SLC24A2: variants seen among roughly 807,000 people sequenced by gnomAD.
The protein encoded by SLC24A2 is solute carrier family 24 member 2.
A neutral mutation model predicts 62.0 loss-of-function variants in SLC24A2; 36 were observed. The observed-to-expected ratio is 0.58, with a 90% CI of 0.44 to 0.77. The LOEUF (loss-of-function observed/expected upper bound fraction) is 0.77. Ranked by LOEUF, SLC24A2 falls within the 30% of genes least tolerant of loss-of-function variation. The pLI, the probability that SLC24A2 is intolerant of heterozygous loss-of-function variation, is 0.00. For synonymous variants in SLC24A2, 358 were observed against 294.0 expected (o/e 1.22, Z -2.23); for missense variants, 846 against 817.9 (o/e 1.03, Z -0.42).
rs567438612 is a variant in SLC24A2 at position 19,774,494 on chromosome 9, G to A, written c.930+11443C>T. The stretch of plus-strand genomic sequence containing the variant: ...TACACCAATATTCAATGTCTATTAC[G>A]GGCCTGAAATAAGTGGTTCAATATA... On this transcript the variant is annotated intron_variant, in intron 2 of 10. Transcript: ENST00000341998. 2.6e-5 allele frequency among the ~76,000 whole-genome samples: 4 copies of A among 152,226 alleles called. No homozygotes were observed. The South Asian group carries it at 6.2e-4, about 24-fold the overall frequency.
At chr9:20,191,072 G>A in the SLC24A2 span, among the ~76,000 whole-genome samples, 2 of 151,834 alleles carry the variant, frequency 1.3e-5, no homozygotes, top group East Asian at 3.9e-4. Flanking sequence ...TATTTCCCCT[G>A]CAGCAAAAAT....
At chr9:19,535,177 C>A (rs1452222854) in intron 8 of SLC24A2, among the ~76,000 whole-genome samples, 2 of 152,086 alleles carry the variant, frequency 1.3e-5, no homozygotes, top group African/African-American at 2.4e-5. Context: ...TGTGTCTGTT[C>A]ATATCCTTTG....
At chr9:19,959,328 A>T in the SLC24A2 span, among the ~76,000 whole-genome samples, 1 of 152,230 alleles carries the variant, frequency 6.6e-6, no homozygotes, top group Admixed American at 6.5e-5. Context: ...AATCAATCAG[A>T]TGCCAGATGG....
chr9:20,201,050 C>T, the SLC24A2 span, among the ~76,000 whole-genome samples: 3 of 152,198 alleles, frequency 2.0e-5, no homozygotes, highest in African/African-American at 7.2e-5. Flanking sequence ...TCTCCCAGTA[C>T]CCAAAGTCCA....
At chr9:19,919,722 G>A in the SLC24A2 span, among the ~76,000 whole-genome samples, 9 of 152,262 alleles carry the variant, frequency 5.9e-5, no homozygotes, top group South Asian at 1.9e-3. Context: ...TGGCAGAAGG[G>A]GAAGCAAATA....
intron 7 of SLC24A2, among the ~76,000 whole-genome samples, chr9:19,562,200 A>G (rs894905733): frequency 1.3e-5 from 2 of 152,198 alleles, no homozygotes; most frequent in Non-Finnish European, 2.9e-5. Flanking sequence ...TAAAATCCAT[A>G]AGTGATTTGC....
chr9:20,166,672 G>C, the SLC24A2 span, among the ~76,000 whole-genome samples: 6 of 151,870 alleles, frequency 4.0e-5, no homozygotes, highest in Non-Finnish European at 7.4e-5. Context: ...CTTACAAAAG[G>C]TATGAAAGAA....
At chr9:20,160,697 T>C in the SLC24A2 span, among the ~76,000 whole-genome samples, 7 of 151,314 alleles carry the variant, frequency 4.6e-5, no homozygotes, top group African/African-American at 1.7e-4. Flanking sequence ...AATTACAGAA[T>C]TTCCGAAAAA....
At chr9:20,075,476 G>A in the SLC24A2 span, among the ~76,000 whole-genome samples, 1 of 152,134 alleles carries the variant, frequency 6.6e-6, no homozygotes, top group Non-Finnish European at 1.5e-5. Context: ...CCTAACTTGT[G>A]GATGGCCAAT....
the SLC24A2 span, among the ~76,000 whole-genome samples, chr9:20,022,913 T>C: frequency 6.6e-6 from 1 of 152,210 alleles, no homozygotes; most frequent in Admixed American, 6.5e-5. Context: ...ACCACATTAA[T>C]GTATTTGACT....
At chr9:19,906,700 C>A in the SLC24A2 span, among the ~76,000 whole-genome samples, 1 of 152,166 alleles carries the variant, frequency 6.6e-6, no homozygotes, top group Non-Finnish European at 1.5e-5. Flanking sequence ...CTATAAACAC[C>A]TCTATGCAAA....
At chr9:19,730,087 T>C (rs1818269454) in intron 2 of SLC24A2, among the ~76,000 whole-genome samples, 1 of 152,174 alleles carries the variant, frequency 6.6e-6, no homozygotes, top group Non-Finnish European at 1.5e-5. Flanking sequence ...TACCCAAGGC[T>C]GCAGGGTACC....
At chr9:20,074,020 T>C in the SLC24A2 span, among the ~76,000 whole-genome samples, 1 of 151,380 alleles carries the variant, frequency 6.6e-6, no homozygotes, top group African/African-American at 2.4e-5. Flanking sequence ...AAAAACAAGT[T>C]GAGAAACTGA....
At chr9:20,162,271 C>A in the SLC24A2 span, among the ~76,000 whole-genome samples, 1 of 151,542 alleles carries the variant, frequency 6.6e-6, no homozygotes, top group Admixed American at 6.6e-5. Context: ...TCTACACAAA[C>A]AATAGTTAGA....
At chr9:20,043,706 C>T in the SLC24A2 span, among the ~76,000 whole-genome samples, 4 of 152,054 alleles carry the variant, frequency 2.6e-5, no homozygotes, top group African/African-American at 9.7e-5. Flanking sequence ...AATCTCATGA[C>T]AAAACTTGAA....
the SLC24A2 span, among the ~76,000 whole-genome samples, chr9:19,815,384 A>G: frequency 6.6e-6 from 1 of 152,096 alleles, no homozygotes; most frequent in Non-Finnish European, 1.5e-5. Flanking sequence ...TAATAACTGG[A>G]AAGATTTTGT....
the SLC24A2 span, among the ~76,000 whole-genome samples, chr9:20,304,617 T>C: frequency 6.6e-6 from 1 of 152,156 alleles, no homozygotes; most frequent in Non-Finnish European, 1.5e-5. Flanking sequence ...AGAATAAACA[T>C]AAAACCCAGT....
intron 2 of SLC24A2, among the ~76,000 whole-genome samples, chr9:19,703,683 T>G (rs901347654): frequency 1.3e-5 from 2 of 152,148 alleles, no homozygotes; most frequent in African/African-American, 4.8e-5. Flanking sequence ...TGAAACCATT[T>G]CAAGTGATAA....
chr9:20,096,968 C>T, the SLC24A2 span, among the ~76,000 whole-genome samples: 1 of 152,172 alleles, frequency 6.6e-6, no homozygotes, highest in African/African-American at 2.4e-5. Context: ...AATCCAATTC[C>T]CAATGACTTT....
Sources: gnomAD v4.1 joint callset for allele counts (sites outside exome capture counted in the v4.1 genomes callset) on GRCh38, gnomAD v4.1.1 for gene constraint, MANE v1.5 for transcripts, NCBI Gene and HGNC (gene_info 2026-07-23, HGNC 2026-07-21) for gene names.